Variants in CSTPP1 observed in about 807,000 individuals in gnomAD.
The protein encoded by CSTPP1 is UPF0705 protein C11orf49.
At chr11:46,968,393 TTAAA>T in the CSTPP1 span, among the ~76,000 whole-genome samples, 1 of 146,810 alleles carries the variant, frequency 6.8e-6, no homozygotes, top group African/African-American at 2.5e-5. Flanking sequence ...TTTAATATAT[TTAAA>T]TAATATATTT....
chr11:47,068,401 G>C, the CSTPP1 span, among the ~76,000 whole-genome samples: 3 of 151,764 alleles, frequency 2.0e-5, no homozygotes, highest in Admixed American at 2.0e-4. Context: ...GCACGGTGGC[G>C]CGCGCCTGTA....
At chr11:47,124,592 T>C in the CSTPP1 span, among the ~76,000 whole-genome samples, 1 of 152,202 alleles carries the variant, frequency 6.6e-6, no homozygotes, top group Admixed American at 6.5e-5. Context: ...TAAAATGTAT[T>C]TTACTTAGTC....
chr11:47,038,113 C>A, the CSTPP1 span, among the ~76,000 whole-genome samples: 10 of 53,760 alleles, frequency 1.9e-4, no homozygotes, highest in South Asian at 1.1e-3. Flanking sequence ...CTGACCCCCC[C>A]ACCTCCCTCC....
the CSTPP1 span, among the ~76,000 whole-genome samples, chr11:47,019,455 T>C: frequency 2.6e-5 from 4 of 152,208 alleles, no homozygotes; most frequent in Non-Finnish European, 4.4e-5. Context: ...TAGCTTTTAA[T>C]TTAAAGTAAG....
the CSTPP1 span, among the ~76,000 whole-genome samples, chr11:47,078,479 A>T: frequency 6.6e-6 from 1 of 152,224 alleles, no homozygotes; most frequent in Admixed American, 6.5e-5. Flanking sequence ...CCACTTAGAC[A>T]TGTGTGCATA....
chr11:47,017,575 C>T, the CSTPP1 span, among the ~76,000 whole-genome samples: 4 of 152,168 alleles, frequency 2.6e-5, no homozygotes, highest in Admixed American at 6.5e-5. Context: ...TGTCTCCCAA[C>T]GCAAACCCCT....
the CSTPP1 span, among the ~76,000 whole-genome samples, chr11:47,020,316 A>T: frequency 3.3e-5 from 5 of 152,260 alleles, no homozygotes; most frequent in Non-Finnish European, 7.3e-5. Flanking sequence ...ATAATTTTTT[A>T]TAAAATAATG....
the CSTPP1 span, among the ~76,000 whole-genome samples, chr11:46,937,739 G>A: frequency 2.0e-5 from 3 of 151,522 alleles, no homozygotes; most frequent in Non-Finnish European, 4.4e-5. Flanking sequence ...GGGTTTCACC[G>A]TGTTAACCAG....
the CSTPP1 span, among the ~76,000 whole-genome samples, chr11:46,968,828 G>C: frequency 6.6e-6 from 1 of 151,998 alleles, no homozygotes; most frequent in East Asian, 1.9e-4. Context: ...GAACCCGGGG[G>C]GCGGAGGTTG....
At chr11:47,036,852 T>G in the CSTPP1 span, among the ~76,000 whole-genome samples, 1 of 125,290 alleles carries the variant, frequency 8.0e-6, no homozygotes, top group African/African-American at 2.5e-5. Flanking sequence ...TAATTTTTTT[T>G]ATTTTTCTTA....
chr11:47,110,493 C>T, the CSTPP1 span, among the ~76,000 whole-genome samples: 53 of 152,300 alleles, frequency 3.5e-4, no homozygotes, highest in African/African-American at 1.1e-3. Context: ...ATCACAATAT[C>T]GAGTCGCTCT....
At chr11:46,999,395 C>T in the CSTPP1 span, among the ~76,000 whole-genome samples, 1 of 152,118 alleles carries the variant, frequency 6.6e-6, no homozygotes, top group Admixed American at 6.5e-5. Context: ...AGTTCACAAG[C>T]TGTTAAGTGA....
At chr11:46,993,089 A>AT in the CSTPP1 span, among the ~76,000 whole-genome samples, 1 of 151,638 alleles carries the variant, frequency 6.6e-6, no homozygotes, top group Non-Finnish European at 1.5e-5. Flanking sequence ...GGGTTGTTTG[A>AT]TTTTTTCTTG....
the CSTPP1 span, among the ~76,000 whole-genome samples, chr11:46,956,044 G>A: frequency 6.6e-6 from 1 of 151,702 alleles, no homozygotes; most frequent in South Asian, 2.1e-4. Flanking sequence ...TTAGGAGGTT[G>A]GGAACAAGGG....
the CSTPP1 span, among the ~76,000 whole-genome samples, chr11:46,955,359 T>C: frequency 6.6e-6 from 1 of 150,756 alleles, no homozygotes; most frequent in Non-Finnish European, 1.5e-5. Flanking sequence ...TTTTTTTTTG[T>C]TGTTTTTTTG....
chr11:47,142,259 TG>T, the CSTPP1 span, among the ~76,000 whole-genome samples: 1 of 144,846 alleles, frequency 6.9e-6, no homozygotes, highest in African/African-American at 2.6e-5. Flanking sequence ...AAAAAAAAAG[TG>T]TTTTTTTTGT....
At chr11:47,005,703 C>T in the CSTPP1 span, among the ~76,000 whole-genome samples, 1 of 152,132 alleles carries the variant, frequency 6.6e-6, no homozygotes, top group Non-Finnish European at 1.5e-5. Context: ...GGGCCTGCCA[C>T]TTTCTGGTAT....
chr11:47,116,427 C>T, the CSTPP1 span, among the ~76,000 whole-genome samples: 79 of 151,994 alleles, frequency 5.2e-4, 1 homozygote, highest in East Asian at 0.01. Context: ...GTTAAAGTCT[C>T]CCATTATTAT....
chr11:47,075,585 A>T, the CSTPP1 span, among the ~76,000 whole-genome samples: 1 of 152,058 alleles, frequency 6.6e-6, no homozygotes, highest in Non-Finnish European at 1.5e-5. Context: ...TGTGCCATAG[A>T]GGCCTAAAAG....
Sources: allele counts gnomAD v4.1 joint callset (sites outside exome capture counted in the v4.1 genomes callset), GRCh38; gene constraint gnomAD v4.1.1; transcripts MANE v1.5; gene names NCBI Gene and HGNC (gene_info 2026-07-23, HGNC 2026-07-21).